The following ESCO1 variants were observed in gnomAD, a reference collection of about 807,000 sequenced individuals.
ESCO1 encodes the protein N-acetyltransferase ESCO1.
A neutral mutation model predicts 83.5 loss-of-function variants in ESCO1; 33 were observed. That is an observed-to-expected ratio of 0.40 (90% confidence interval 0.30 to 0.53). The LOEUF is 0.53. Ranked by LOEUF, ESCO1 falls within the 20% of genes least tolerant of loss-of-function variation. The probability of loss-of-function intolerance (pLI) is 0.63; values close to 1 mark genes in which losing one functional copy is unlikely to be tolerated. For missense variants in ESCO1, 855 were observed against 968.0 expected, an observed-to-expected ratio of 0.88 and a Z score of 1.55; for synonymous variants, 332 against 324.3, an observed-to-expected ratio of 1.02 and a Z score of -0.25.
chr18:21,577,906 A>G (rs1015885401), intron 2 of ESCO1, among the ~76,000 whole-genome samples: 3 of 152,216 alleles, frequency 2.0e-5, no homozygotes, highest in African/African-American at 7.2e-5. Context: ...CCTAGAGGAT[A>G]GCAGCCAAGC....
chr18:21,569,574 C>T (rs1197322119), intron 4 of ESCO1, among the ~76,000 whole-genome samples: 1 of 152,170 alleles, frequency 6.6e-6, no homozygotes. Context: ...GGTGAAACCC[C>T]GTCTCTACTA....
intron 2 of ESCO1, among the ~76,000 whole-genome samples, chr18:21,577,033 CA>C (rs58379125): frequency 0.048 from 6,188 of 128,670 alleles, 407 homozygotes; most frequent in African/African-American, 0.16. Flanking sequence ...ACTCTTGTCT[CA>C]AAAAAAAAAA....
chr18:21,588,564 T>C (rs1206795245), intron 1 of ESCO1, among the ~76,000 whole-genome samples: 2 of 152,108 alleles, frequency 1.3e-5, no homozygotes, highest in Non-Finnish European at 2.9e-5. Flanking sequence ...AAAGGATTGG[T>C]ATGCACAGAT....
intron 1 of ESCO1, among the ~76,000 whole-genome samples, chr18:21,586,404 C>T (rs1255004713): frequency 6.6e-6 from 1 of 152,204 alleles, no homozygotes; most frequent in Non-Finnish European, 1.5e-5. Context: ...CACATTTTAT[C>T]CATTCATCTG....
At chr18:21,587,684 C>T (rs1363945487) in intron 1 of ESCO1, among the ~76,000 whole-genome samples, 4 of 151,858 alleles carry the variant, frequency 2.6e-5, no homozygotes, top group Non-Finnish European at 4.4e-5. Flanking sequence ...TGCCTATTAA[C>T]CCAGCACTTT....
At chr18:21,578,023 T>A (rs994229618) in intron 2 of ESCO1, among the ~76,000 whole-genome samples, 2 of 152,010 alleles carry the variant, frequency 1.3e-5, no homozygotes, top group African/African-American at 4.8e-5. Context: ...AAAATACTGA[T>A]AAGGTCTACC....
At chr18:21,571,915 G>A (rs2038346768) in intron 4 of ESCO1, among the ~76,000 whole-genome samples, 1 of 152,156 alleles carries the variant, frequency 6.6e-6, no homozygotes, top group Non-Finnish European at 1.5e-5. Context: ...AAATCTGAGA[G>A]TACAATATGG....
At chr18:21,545,276 C>A (rs1003146802) in intron 8 of ESCO1, among the ~76,000 whole-genome samples, 2 of 152,042 alleles carry the variant, frequency 1.3e-5, no homozygotes, top group Admixed American at 6.6e-5. Context: ...AAAAATTTTA[C>A]TTAAAAACAA....
At chr18:21,580,174 C>T (rs2038482411) in intron 2 of ESCO1, among the ~76,000 whole-genome samples, 1 of 152,042 alleles carries the variant, frequency 6.6e-6, no homozygotes, top group African/African-American at 2.4e-5. Context: ...GCTGGGATTA[C>T]AGGCATGAAT....
In ESCO1 at chr18:21,574,004, T is replaced by C; in HGVS notation, c.840A>G (p.Pro280=). ...VNTNTTLPKS[P]QPSVPEQSDN... The stretch of plus-strand genomic sequence containing the variant: ...CACTTTGTTCAGGCACTGATGGCTG[T>C]GGACTTTTTGGGAGTGTTGTGTTAG... Residue 280 remains proline (P), a synonymous_variant, in exon 4 of 12, where the codon CCA becomes CCG. Coordinates refer to ENST00000269214, the MANE Select transcript of ESCO1 (RefSeq NM_052911.3). 6.2e-7 allele frequency: 1 copy of C among 1,613,730 alleles called. No homozygotes were observed. Among genetic ancestry groups the C allele is most frequent in the Non-Finnish European group, 8.5e-7 (1 of 1,180,016 alleles).
chr18:21,550,244 A>C (rs2038029024), intron 8 of ESCO1, among the ~76,000 whole-genome samples: 1 of 152,218 alleles, frequency 6.6e-6, no homozygotes, highest in African/African-American at 2.4e-5. Context: ...TAATTGGGAG[A>C]ACTGGGTCAG....
chr18:21,564,077 A>C (rs1299972936), intron 7 of ESCO1, 126 bp downstream of exon 7: 140 of 661,092 alleles, frequency 2.1e-4, no homozygotes, highest in Non-Finnish European at 5.2e-6. Flanking sequence ...AGGCCATAGA[A>C]CCACAAGCCA....
At chr18:21,571,307 C>A (rs892335183) in intron 4 of ESCO1, among the ~76,000 whole-genome samples, 1 of 152,004 alleles carries the variant, frequency 6.6e-6, no homozygotes, top group Non-Finnish European at 1.5e-5. Context: ...TCCACCTCAG[C>A]CTCCTGAGTA....
At position 21,539,968 on chromosome 18, in the gene ESCO1, G is replaced by A. The variant is rs777072095; in HGVS notation, c.1995C>T (p.Gly665=). 4.3e-6 allele frequency: 7 copies of A among 1,613,180 alleles called. No homozygotes were observed. The highest frequency in any genetic ancestry group is 5.9e-6 in the Non-Finnish European group (7 of 1,179,750). The change falls in exon 9 of 12, where the codon GGC becomes GGT. Residue 665 remains glycine, a synonymous_variant. Coordinates refer to ENST00000269214, the MANE Select transcript of ESCO1 (RefSeq NM_052911.3). ...CTTCAGGAAGAACCATTATTATCCTGCCATCAGGGTATTCAGCCAGAATTC... is the reference window on the plus strand; with the variant it reads ...CTTCAGGAAGAACCATTATTATCCTACCATCAGGGTATTCAGCCAGAATTC... ...KERILAEYPD[G]RIIMVLPEDP... is the part of the protein sequence containing the mutation.
chr18:21,555,541 C>T (rs1347349557), intron 8 of ESCO1, among the ~76,000 whole-genome samples: 1 of 152,122 alleles, frequency 6.6e-6, no homozygotes, highest in East Asian at 1.9e-4. Flanking sequence ...ACTACCTGCT[C>T]AATTTTGTTG....
intron 8 of ESCO1, among the ~76,000 whole-genome samples, chr18:21,557,090 T>C (rs770789872): frequency 2.0e-5 from 3 of 152,170 alleles, no homozygotes; most frequent in Admixed American, 6.5e-5. Context: ...CTAATATGTA[T>C]ACTACTGTCT....
intron 8 of ESCO1, among the ~76,000 whole-genome samples, chr18:21,547,491 T>C (rs2037989254): frequency 6.6e-6 from 1 of 152,130 alleles, no homozygotes; most frequent in African/African-American, 2.4e-5. Flanking sequence ...TCAAGAATCT[T>C]ATAAATCTAA....
intron 10 of ESCO1, among the ~76,000 whole-genome samples, chr18:21,533,038 CAT>C (rs1240346542): frequency 1.3e-5 from 2 of 152,074 alleles, no homozygotes; most frequent in African/African-American, 4.8e-5. Context: ...AGCAAAAGTA[CAT>C]GTTAAGAACA....
intron 8 of ESCO1, among the ~76,000 whole-genome samples, chr18:21,543,398 T>A (rs2037931868): frequency 3.9e-5 from 6 of 152,226 alleles, no homozygotes. Flanking sequence ...CCTCAGGTGA[T>A]CCGCCAGCCT....
Sources: gnomAD v4.1 joint callset for allele counts (sites outside exome capture counted in the v4.1 genomes callset) on GRCh38, gnomAD v4.1.1 for gene constraint, MANE v1.5 for transcripts, NCBI Gene and HGNC (gene_info 2026-07-23, HGNC 2026-07-21) for gene names.